The following BAZ2B variants were observed in gnomAD, a reference collection of about 807,000 sequenced individuals.
The protein encoded by BAZ2B is bromodomain adjacent to zinc finger domain 2B.
A neutral mutation model predicts 246.0 loss-of-function variants in BAZ2B; 91 were observed. That is an observed-to-expected ratio of 0.37 (90% confidence interval 0.31 to 0.44). The LOEUF (loss-of-function observed/expected upper bound fraction) is 0.44, where lower values mean the gene tolerates loss of function less well. BAZ2B is among the 20% of genes least tolerant of loss of function. The pLI is 1.00. For synonymous variants in BAZ2B, 855 were observed against 860.0 expected (o/e 0.99, Z 0.10); for missense variants, 2,332 against 2,533.7 (o/e 0.92, Z 1.71).
intron 34 of BAZ2B, 89 bp from the exon 35 acceptor site, chr2:159,326,007 A>G (rs993940689): frequency 8.9e-7 from 1 of 1,121,570 alleles, no homozygotes; most frequent in Non-Finnish European, 1.2e-6. Context: ...GACAGGACAA[A>G]TAAGTAAAAA....
chr2:159,344,879 G>T (rs540361098), intron 31 of BAZ2B, among the ~76,000 whole-genome samples: 7 of 152,012 alleles, frequency 4.6e-5, no homozygotes, highest in Non-Finnish European at 1.0e-4. Flanking sequence ...TGGGAAAAGT[G>T]GGGGCAGGGA....
chr2:159,480,149 C>T (rs373707485), intron 2 of BAZ2B, among the ~76,000 whole-genome samples: 14 of 152,206 alleles, frequency 9.2e-5, no homozygotes, highest in South Asian at 8.3e-4. Flanking sequence ...AAAATATGGA[C>T]TCTTTACCTA....
intron 36 of BAZ2B, 119 bp downstream of exon 36, chr2:159,324,692 G>A: frequency 2.9e-6 from 1 of 342,658 alleles, no homozygotes; most frequent in Non-Finnish European, 5.2e-6. Flanking sequence ...ACACACACCT[G>A]CCTCAAAGGC....
At chr2:159,325,161 T>C (rs1210425231) in intron 35 of BAZ2B, among the ~76,000 whole-genome samples, 4 of 111,224 alleles carry the variant, frequency 3.6e-5, no homozygotes, top group Middle Eastern at 4.3e-3. Context: ...GATAGGGTCT[T>C]GCTCTATCGC....
Position 159,349,858 on chromosome 2 carries a change from A to C in BAZ2B, c.4713T>G (p.Thr1571=). ...TTGACATATCGGCATGAGTAAGTGA[A>C]GTGTCATCACAGGGTGTTCGTGGCA... ...SLLPRTPCDD[T]SLTHADMSTA... Residue 1571 remains threonine (T), a synonymous_variant, in exon 28 of 37, where the codon ACT becomes ACG. Coordinates refer to ENST00000392783, the MANE Select transcript of BAZ2B (RefSeq NM_013450.4). 1 of 1,614,184 alleles carries C rather than the reference A, an allele frequency of 6.2e-7. No homozygotes were observed. The highest frequency in any genetic ancestry group is 8.5e-7 in the Non-Finnish European group (1 of 1,180,020).
At chr2:159,661,797 G>C in the BAZ2B span, among the ~76,000 whole-genome samples, 2 of 150,586 alleles carry the variant, frequency 1.3e-5, no homozygotes, top group Non-Finnish European at 2.9e-5. Context: ...TTTTAATTGA[G>C]ACAAGGTCTC....
chr2:159,330,631 CGAGGA>C (rs2064575021), intron 34 of BAZ2B, among the ~76,000 whole-genome samples: 3 of 151,546 alleles, frequency 2.0e-5, no homozygotes, highest in Admixed American at 1.3e-4. Context: ...GGCTGTAGTG[CGAGGA>C]TCAGCTGAGC....
intron 2 of BAZ2B, among the ~76,000 whole-genome samples, chr2:159,497,029 A>G (rs987752486): frequency 1.3e-5 from 2 of 152,128 alleles, no homozygotes; most frequent in African/African-American, 4.8e-5. Context: ...TTACCTTATA[A>G]AAGTTCATCA....
the BAZ2B span, among the ~76,000 whole-genome samples, chr2:159,697,959 G>A: frequency 6.6e-6 from 1 of 152,118 alleles, no homozygotes; most frequent in East Asian, 1.9e-4. Flanking sequence ...TGTGGTCTTA[G>A]GTAAGTAACT....
At chr2:159,493,419 T>G (rs891414902) in intron 2 of BAZ2B, among the ~76,000 whole-genome samples, 1 of 152,226 alleles carries the variant, frequency 6.6e-6, no homozygotes, top group African/African-American at 2.4e-5. Context: ...TGTTTCATAC[T>G]GAGTAACTCG....
At chr2:159,417,353 T>G (rs550482286) in intron 13 of BAZ2B, among the ~76,000 whole-genome samples, 4 of 152,252 alleles carry the variant, frequency 2.6e-5, no homozygotes, top group African/African-American at 9.6e-5. Flanking sequence ...GTATTTTTAG[T>G]ACAGACAGGG....
chr2:159,374,639 A>G lies in BAZ2B; in HGVS notation c.4068+52T>C, dbSNP rs2061225037. On this transcript the variant is annotated intron_variant, in intron 26 of 36. Transcript: ENST00000392783. Reference sequence around the variant, plus strand: ...AGAAAAACTAATCCCCTTACAATGTAGATTTCTAAAACACTGTGAAGAAGT... The same window carrying G: ...AGAAAAACTAATCCCCTTACAATGTGGATTTCTAAAACACTGTGAAGAAGT... 2.7e-6 allele frequency: 4 copies of G among 1,492,810 alleles called. 1 individual carries two copies. The South Asian group carries it at 4.6e-5, about 17-fold the overall frequency. The allele number at this position is 1,492,810 out of a possible 1,614,324, so 92.5% of individuals were successfully genotyped here. A position where few individuals can be genotyped will look rare whatever the true frequency, so the allele number is the denominator to read the frequency against.
intron 2 of BAZ2B, among the ~76,000 whole-genome samples, chr2:159,525,722 T>C (rs1239328643): frequency 2.0e-5 from 3 of 152,198 alleles, no homozygotes; most frequent in Admixed American, 1.3e-4. Flanking sequence ...GTTATGTATA[T>C]ACTGTTTGAA....
the BAZ2B span, among the ~76,000 whole-genome samples, chr2:159,668,253 G>C: frequency 1.3e-5 from 2 of 151,818 alleles, no homozygotes; most frequent in Admixed American, 1.3e-4. Flanking sequence ...AGTTGCTTTT[G>C]CAGAGGGACA....
chr2:159,649,685 T>C, the BAZ2B span, among the ~76,000 whole-genome samples: 2 of 152,190 alleles, frequency 1.3e-5, no homozygotes, highest in African/African-American at 4.8e-5. Flanking sequence ...TACACTGACG[T>C]AGTTTTCTTC....
the BAZ2B span, among the ~76,000 whole-genome samples, chr2:159,675,600 TA>T: frequency 6.6e-6 from 1 of 152,238 alleles, no homozygotes; most frequent in African/African-American, 2.4e-5. Flanking sequence ...CAATTTTATC[TA>T]AAATAATGTA....
At chr2:159,412,758 C>G (rs1467662741) in intron 13 of BAZ2B, among the ~76,000 whole-genome samples, 4 of 152,014 alleles carry the variant, frequency 2.6e-5, no homozygotes, top group Non-Finnish European at 4.4e-5. Context: ...ATGACTTAAG[C>G]TTTAATTAAA....
At chr2:159,458,409 T>C in intron 3 of BAZ2B, 1 of 152,308 alleles carries the variant, frequency 6.6e-6, no homozygotes. Context: ...CACTGCAACC[T>C]CCGCCTCCCG....
the BAZ2B span, among the ~76,000 whole-genome samples, chr2:159,634,268 T>A: frequency 1.3e-5 from 2 of 152,196 alleles, no homozygotes; most frequent in African/African-American, 4.8e-5. Flanking sequence ...TCTCAACACA[T>A]CATTTTTAGA....
Sources: gnomAD v4.1 joint callset for allele counts (sites outside exome capture counted in the v4.1 genomes callset) on GRCh38, gnomAD v4.1.1 for gene constraint, MANE v1.5 for transcripts, NCBI Gene and HGNC (gene_info 2026-07-23, HGNC 2026-07-21) for gene names.